The following SCML4 variants were observed in gnomAD, a reference collection of about 807,000 sequenced individuals.
SCML4 encodes Scm polycomb group protein like 4, also known as sex comb on midleg-like protein 4.
SCML4 carries 34 observed loss-of-function variants against 41.1 expected under a neutral mutation model. That is an observed-to-expected ratio of 0.83 (90% confidence interval 0.63 to 1.10). The LOEUF is 1.10. SCML4 is among the 50% of genes least tolerant of loss of function. SCML4 has a pLI of 0.00. For missense variants in SCML4, 522 were observed against 534.1 expected (o/e 0.98, Z 0.22); for synonymous variants, 214 against 220.9 (o/e 0.97, Z 0.28).
chr6:107,750,364 G>T (rs1778510415), intron 2 of SCML4, among the ~76,000 whole-genome samples: 1 of 152,232 alleles, frequency 6.6e-6, no homozygotes, highest in Admixed American at 6.5e-5. Flanking sequence ...GGACACAAGA[G>T]TGGGCAGCAG....
At chr6:107,806,195 C>CGG (rs72561581) in intron 1 of SCML4, among the ~76,000 whole-genome samples, 3 of 151,462 alleles carry the variant, frequency 2.0e-5, no homozygotes, top group Non-Finnish European at 2.9e-5. Context: ...TTCCCCCCCC[C>CGG]CAATAAACAA....
rs1273842100 is a variant in SCML4 at position 107,746,848 on chromosome 6, GA to G, written c.327del (p.Leu110TrpfsTer70). 1 of 1,613,964 alleles carries G rather than the reference GA, an allele frequency of 6.2e-7. No individual in the cohort carries two copies. The highest frequency in any genetic ancestry group is 8.5e-7 in the Non-Finnish European group (1 of 1,180,024). On this transcript the variant is annotated frameshift_variant, in exon 4 of 8. Coordinates refer to ENST00000369020, the MANE Select transcript of SCML4 (RefSeq NM_198081.5). LOFTEE classifies it high-confidence loss of function. ...AGCTGCTGCACCTTCTTCCTCTCCA[GA>G]TAGGGCCCCGCATTGGCCTGCTTGT... ...YINKQANAGP[Y>X]LERKKVQQLP...
At chr6:107,719,730 A>G (rs1227969903) in intron 6 of SCML4, 2 of 183,816 alleles carry the variant, frequency 1.1e-5, no homozygotes, top group African/African-American at 4.8e-5. Flanking sequence ...AGGTGCTGCC[A>G]TTATTATTAT....
chr6:107,707,085 C>G (rs1235572586), intron 7 of SCML4, among the ~76,000 whole-genome samples: 1 of 152,120 alleles, frequency 6.6e-6, no homozygotes, highest in African/African-American at 2.4e-5. Flanking sequence ...CCTGTCATCC[C>G]AGCACTTTGG....
intron 6 of SCML4, among the ~76,000 whole-genome samples, chr6:107,711,386 G>C (rs760819426): frequency 5.3e-5 from 8 of 152,266 alleles, no homozygotes; most frequent in Middle Eastern, 3.4e-3. Context: ...AGTTCCTATC[G>C]CCTAGTGATT....
chr6:107,772,072 C>A (rs982236193), intron 2 of SCML4, 100 bp downstream of exon 2: 10 of 1,054,208 alleles, frequency 9.5e-6, no homozygotes, highest in Middle Eastern at 6.1e-4. Context: ...CTGTCTCTAC[C>A]AAGCTCCCAA....
intron 3 of SCML4, among the ~76,000 whole-genome samples, chr6:107,748,182 G>C (rs188488683): frequency 6.6e-6 from 1 of 152,284 alleles, no homozygotes; most frequent in African/African-American, 2.4e-5. Flanking sequence ...AAAAGGATGA[G>C]ATAAGATGAA....
At chr6:107,838,604 T>A in the SCML4 span, among the ~76,000 whole-genome samples, 1 of 152,196 alleles carries the variant, frequency 6.6e-6, no homozygotes, top group Middle Eastern at 3.2e-3. Flanking sequence ...CAGAATGACA[T>A]TGATATTCCA....
intron 6 of SCML4, among the ~76,000 whole-genome samples, chr6:107,714,981 T>A (rs1371577167): frequency 4.0e-5 from 6 of 149,850 alleles, no homozygotes; most frequent in African/African-American, 9.9e-5. Flanking sequence ...CCCTTTATTT[T>A]TTTTTTTTTT....
rs77909439 is a variant in SCML4 at position 107,751,975 on chromosome 6, G to C, written c.157-2162C>G. On this transcript the variant is annotated intron_variant, in intron 2 of 7. Transcript: ENST00000369020. ...TGGTATTGAGAAAAGACTGAAAGAA[G>C]CAAAAGTGGGAGGACCACTAACCTA... is the stretch of plus-strand genomic sequence containing the variant. Among the ~76,000 whole-genome samples, 547 of 152,256 alleles carry C rather than the reference G, an allele frequency of 3.6e-3. 7 individuals are homozygous for C. In the East Asian group the frequency reaches 0.042, roughly 12 times the overall value.
At chr6:107,818,188 G>A (rs1052635595) in intron 1 of SCML4, among the ~76,000 whole-genome samples, 9 of 152,134 alleles carry the variant, frequency 5.9e-5, no homozygotes, top group South Asian at 2.1e-4. Flanking sequence ...TGATATAGTC[G>A]AATATGCTCG....
intron 1 of SCML4, among the ~76,000 whole-genome samples, chr6:107,802,734 C>G (rs1044456369): frequency 1.4e-5 from 2 of 144,622 alleles, no homozygotes; most frequent in Non-Finnish European, 3.0e-5. Context: ...CTCCCCCTCC[C>G]TCTCCCTCTC....
chr6:107,797,968 T>G (rs181253395), intron 1 of SCML4, among the ~76,000 whole-genome samples: 1 of 152,152 alleles, frequency 6.6e-6, no homozygotes. Flanking sequence ...TGAAGTAAAC[T>G]CCAGTAGACT....
chr6:107,834,121 C>A, the SCML4 span, among the ~76,000 whole-genome samples: 2 of 152,104 alleles, frequency 1.3e-5, no homozygotes, highest in African/African-American at 4.8e-5. Context: ...AGAAACTGGG[C>A]CTTTTTTCAA....
intron 5 of SCML4, among the ~76,000 whole-genome samples, chr6:107,736,687 C>T (rs1777100623): frequency 6.6e-6 from 1 of 152,174 alleles, no homozygotes; most frequent in Non-Finnish European, 1.5e-5. Context: ...AGACATTCTC[C>T]ATATATTCTC....
the SCML4 span, among the ~76,000 whole-genome samples, chr6:107,834,196 T>C: frequency 6.6e-6 from 1 of 152,080 alleles, no homozygotes; most frequent in East Asian, 1.9e-4. Context: ...AAACTGGAAG[T>C]CCCAGGAATC....
chr6:107,729,806 C>A (rs961497926), intron 5 of SCML4, among the ~76,000 whole-genome samples: 1 of 152,194 alleles, frequency 6.6e-6, no homozygotes, highest in African/African-American at 2.4e-5. Flanking sequence ...ATGCATTGAG[C>A]TAGCCCCAAC....
intron 7 of SCML4, among the ~76,000 whole-genome samples, chr6:107,706,058 T>C (rs1258018640): frequency 6.6e-6 from 1 of 152,070 alleles, no homozygotes; most frequent in African/African-American, 2.4e-5. Flanking sequence ...AGGGTAGAAA[T>C]TTCAGGTGCT....
chr6:107,781,926 G>A (rs1274330691), intron 1 of SCML4, among the ~76,000 whole-genome samples: 5 of 152,104 alleles, frequency 3.3e-5, no homozygotes, highest in African/African-American at 1.2e-4. Flanking sequence ...ATGGGCCCTC[G>A]CTGTGAGGGA....
Sources: gnomAD v4.1 joint callset for allele counts (sites outside exome capture counted in the v4.1 genomes callset) on GRCh38, gnomAD v4.1.1 for gene constraint, MANE v1.5 for transcripts, NCBI Gene and HGNC (gene_info 2026-07-23, HGNC 2026-07-21) for gene names.